HS6ST2: variants seen among roughly 807,000 people sequenced by gnomAD.
HS6ST2 encodes the protein heparan-sulfate 6-O-sulfotransferase 2.
HS6ST2 carries 17 observed loss-of-function variants against 33.0 expected under a neutral mutation model. The ratio of observed to expected loss-of-function variants is 0.52; its 90% CI spans 0.35 to 0.77. The LOEUF is 0.77. Among genes scored for constraint, HS6ST2 ranks in the 30% least tolerant of loss-of-function variants. The pLI is 0.01. For synonymous variants in HS6ST2, 248 were observed against 237.1 expected (o/e 1.05, Z -0.42); for missense variants, 519 against 551.7 (o/e 0.94, Z 0.59).
intron 2 of HS6ST2, among the ~76,000 whole-genome samples, chrX:132,713,312 C>T (rs899330657): frequency 1.8e-5 from 2 of 111,108 alleles, no homozygotes; most frequent in East Asian, 2.8e-4. Flanking sequence ...TCATACAATA[C>T]GTTTTAGGCA....
At chrX:132,764,641 T>C (rs771470061) in intron 2 of HS6ST2, among the ~76,000 whole-genome samples, 10 of 111,464 alleles carry the variant, frequency 9.0e-5, no homozygotes, top group Non-Finnish European at 1.7e-4. Flanking sequence ...CCTTATTTAA[T>C]TGTCTGTTGA....
chrX:132,725,188 A>T (rs891736034), intron 2 of HS6ST2, among the ~76,000 whole-genome samples: 4 of 111,196 alleles, frequency 3.6e-5, no homozygotes, highest in Admixed American at 1.9e-4. Context: ...AGAGCAAAGG[A>T]TATAATAAAT....
intron 2 of HS6ST2, among the ~76,000 whole-genome samples, chrX:132,727,232 T>C (rs1020017893): frequency 1.1e-5 from 1 of 88,261 alleles, no homozygotes; most frequent in African/African-American, 4.4e-5. Context: ...ATTACTAGCA[T>C]TATTGGGGGG....
At chrX:132,655,166 C>A (rs749559159) in intron 4 of HS6ST2, among the ~76,000 whole-genome samples, 3 of 111,969 alleles carry the variant, frequency 2.7e-5, no homozygotes, top group African/African-American at 9.7e-5. Flanking sequence ...TGGTAATGTG[C>A]CTATCACATT....
intron 2 of HS6ST2, among the ~76,000 whole-genome samples, chrX:132,885,747 G>C (rs2066244126): frequency 9.0e-6 from 1 of 111,440 alleles, no homozygotes; most frequent in Non-Finnish European, 1.9e-5. Flanking sequence ...TTTGGTCACA[G>C]CCTCTGTACA....
At chrX:132,790,044 G>A (rs554988025) in intron 2 of HS6ST2, among the ~76,000 whole-genome samples, 2 of 112,702 alleles carry the variant, frequency 1.8e-5, no homozygotes, top group African/African-American at 6.4e-5. Flanking sequence ...CAACAGCAGA[G>A]TTTGAGAAGA....
intron 2 of HS6ST2, among the ~76,000 whole-genome samples, chrX:132,938,284 T>A (rs2066849208): frequency 9.2e-6 from 1 of 108,187 alleles, no homozygotes; most frequent in Non-Finnish European, 1.9e-5. Flanking sequence ...GAAACACTCA[T>A]CAAACTAGGA....
chrX:132,900,906 C>CA (rs200910092), intron 2 of HS6ST2, among the ~76,000 whole-genome samples: 8 of 109,113 alleles, frequency 7.3e-5, no homozygotes, highest in African/African-American at 2.0e-4. Context: ...GATTATGGTA[C>CA]AAAAAAAAAG....
intron 2 of HS6ST2, among the ~76,000 whole-genome samples, chrX:132,748,215 C>T (rs1602635971): frequency 1.8e-5 from 2 of 111,754 alleles, no homozygotes. Flanking sequence ...ATCCTATAGC[C>T]GTTACTGTCT....
intron 2 of HS6ST2, among the ~76,000 whole-genome samples, chrX:132,794,012 T>C (rs1454941045): frequency 8.9e-6 from 1 of 112,950 alleles, no homozygotes; most frequent in Non-Finnish European, 1.9e-5. Context: ...AAAGGCTACT[T>C]GCCGTTTTGC....
At chrX:132,846,121 A>G (rs1176156098) in intron 2 of HS6ST2, among the ~76,000 whole-genome samples, 1 of 112,234 alleles carries the variant, frequency 8.9e-6, no homozygotes, top group Non-Finnish European at 1.9e-5. Flanking sequence ...TTCACATGTC[A>G]CAAAATCTTC....
At chrX:132,828,908 A>G (rs1019149272) in intron 2 of HS6ST2, among the ~76,000 whole-genome samples, 5 of 103,568 alleles carry the variant, frequency 4.8e-5, no homozygotes, top group Non-Finnish European at 7.8e-5. Flanking sequence ...TGCTGTACAT[A>G]TATTTTATAT....
chrX:132,746,029 T>A, intron 2 of HS6ST2, among the ~76,000 whole-genome samples: 1 of 111,772 alleles, frequency 8.9e-6, no homozygotes, highest in South Asian at 3.7e-4. Context: ...AAAAAAGAGA[T>A]GTTTTGCTCA....
intron 4 of HS6ST2, among the ~76,000 whole-genome samples, chrX:132,651,703 G>A (rs1051072828): frequency 8.9e-6 from 1 of 111,793 alleles, no homozygotes; most frequent in Admixed American, 9.5e-5. Context: ...CATAAAAAGG[G>A]CCTAACAGAT....
chrX:132,901,126 G>A (rs2066422435), intron 2 of HS6ST2, among the ~76,000 whole-genome samples: 1 of 111,505 alleles, frequency 9.0e-6, no homozygotes, highest in Non-Finnish European at 1.9e-5. Flanking sequence ...CATGAGCTTA[G>A]AATTGCATCC....
At chrX:132,703,251 G>C (rs1413589003) in intron 3 of HS6ST2, among the ~76,000 whole-genome samples, 1 of 112,389 alleles carries the variant, frequency 8.9e-6, no homozygotes, top group African/African-American at 3.2e-5. Flanking sequence ...GGATCCTTGG[G>C]ACCTGAGAGG....
intron 2 of HS6ST2, among the ~76,000 whole-genome samples, chrX:132,926,648 C>G (rs1433098570): frequency 8.9e-6 from 1 of 112,440 alleles, no homozygotes; most frequent in Non-Finnish European, 1.9e-5. Flanking sequence ...TCTGGCTGAG[C>G]GCAGTAGCTC....
chrX:132,929,830 A>G (rs1342856592), intron 2 of HS6ST2, among the ~76,000 whole-genome samples: 1 of 112,234 alleles, frequency 8.9e-6, no homozygotes. Context: ...CAACAAGGAT[A>G]TGCAAAAGGT....
At chrX:132,904,957 G>A (rs1221288019) in intron 2 of HS6ST2, among the ~76,000 whole-genome samples, 5 of 111,097 alleles carry the variant, frequency 4.5e-5, no homozygotes, top group African/African-American at 9.8e-5. Context: ...TAATGGTGCC[G>A]CATCGTGATT....
Sources: allele counts gnomAD v4.1 joint callset (sites outside exome capture counted in the v4.1 genomes callset), GRCh38; gene constraint gnomAD v4.1.1; transcripts MANE v1.5; gene names NCBI Gene and HGNC (gene_info 2026-07-23, HGNC 2026-07-21).